FAM76B: variants seen among roughly 807,000 people sequenced by gnomAD.
FAM76B encodes family with sequence similarity 76 member B, also known as protein FAM76B.
A neutral mutation model predicts 51.8 loss-of-function variants in FAM76B; 16 were observed. The observed-to-expected ratio is 0.31, with a 90% CI of 0.21 to 0.47. The LOEUF (loss-of-function observed/expected upper bound fraction) is 0.47. FAM76B is among the 20% of genes least tolerant of loss of function. The pLI is 1.00. For missense variants in FAM76B, 342 were observed against 392.6 expected (o/e 0.87, Z 1.09); for synonymous variants, 166 against 129.5 (o/e 1.28, Z -1.91).
intron 5 of FAM76B, among the ~76,000 whole-genome samples, chr11:95,782,774 A>G (rs942086156): frequency 6.6e-6 from 1 of 152,190 alleles, no homozygotes; most frequent in African/African-American, 2.4e-5. Flanking sequence ...GAGGCTTTTG[A>G]TAAGTTATTT....
At chr11:95,779,088 T>C in intron 7 of FAM76B, 131 bp from the exon 8 acceptor site, 1 of 1,588,326 alleles carries the variant, frequency 6.3e-7, no homozygotes, top group Non-Finnish European at 8.5e-7. Context: ...CTGACAGAAA[T>C]GGATGCAACT....
At chr11:95,774,223 C>T (rs539413897) in intron 9 of FAM76B, among the ~76,000 whole-genome samples, 3 of 151,318 alleles carry the variant, frequency 2.0e-5, no homozygotes, top group African/African-American at 4.8e-5. Flanking sequence ...TCTACGTCAC[C>T]GCTTACTGTG....
intron 9 of FAM76B, among the ~76,000 whole-genome samples, chr11:95,773,730 C>T (rs188080603): frequency 1.5e-4 from 22 of 151,356 alleles, no homozygotes; most frequent in African/African-American, 5.1e-4. Flanking sequence ...ACACAGAAGG[C>T]ACTCAAATGT....
Position 95,783,195 on chromosome 11 carries a change from G to C in FAM76B, c.433C>G (p.Gln145Glu), listed in dbSNP as rs779321950. 1.9e-6 allele frequency: 3 copies of C among 1,613,884 alleles called. No individual in the cohort carries two copies. The Admixed American group carries it at 5.0e-5, about 27-fold the overall frequency. ...TGTGAAGATCCCAGGCTCTTCCTTTGTTCTTTCGTCTTCTGTAAAACTCTT... is the reference window on the plus strand; with the variant it reads ...TGTGAAGATCCCAGGCTCTTCCTTTCTTCTTTCGTCTTCTGTAAAACTCTT... ...YKRVLQKTKE[Q>E]RKSLGSSHSN... Residue 145 changes from glutamine to glutamate, a missense_variant, in exon 5 of 10, where the codon CAA becomes GAA. By Grantham distance (29) the Gln-to-Glu change is conservative. Around this residue, in one of 3 missense-constraint regions of FAM76B, gnomAD observed 230 missense variants for 257.4 expected, o/e 0.89. Coordinates refer to ENST00000358780, the MANE Select transcript of FAM76B (RefSeq NM_144664.5).
rs61732594 is a variant in FAM76B, at chr11:95,778,921, T to C, written c.729A>G (p.Thr243=). The change falls in exon 8 of 10, where the codon ACA becomes ACG. Residue 243 remains threonine (T), a synonymous_variant. Transcript: ENST00000358780. ...ATTGACTTATAAGGACAAAATTGTC[T>C]GTTCCCCCACTATCTGCTGACTGAT... The part of the protein sequence containing the change: ...SINQSADSGG[T]DNFVLISQLK... The C allele has an allele frequency of 5.7e-4, 915 of 1,610,796 alleles. 5 individuals carry two copies. In the African/African-American group the frequency reaches 8.6e-3, roughly 15 times the overall value.
Position 95,769,498 on chromosome 11 carries a change from T to A in FAM76B, c.*2063A>T, listed in dbSNP as rs896577708. 2 of 152,196 alleles carry A rather than the reference T, an allele frequency of 1.3e-5. No homozygotes were observed. The highest frequency in any genetic ancestry group is 4.8e-5 in the African/African-American group (2 of 41,384). The allele number at this position is 152,196 out of a possible 1,614,324, so 9.4% of individuals were successfully genotyped here. A position where few individuals can be genotyped will look rare whatever the true frequency, so the allele number is the denominator to read the frequency against. ...ACTGAATTACCTTCCATTTTAATGT[T>A]AGCTAATATTAATATTCAACTTTTT... is the stretch of plus-strand genomic sequence containing the variant. On this transcript the variant is annotated 3_prime_UTR_variant, in exon 10 of 10. Transcript: ENST00000358780.
rs1190777983 is a variant in FAM76B, at chr11:95,769,467, A to T, written c.*2094T>A. ...TATTAGACTGTTAATGTTAGCTAACACTAAAACTGAATTACCTTCCATTTT... is the reference window on the plus strand; with the variant it reads ...TATTAGACTGTTAATGTTAGCTAACTCTAAAACTGAATTACCTTCCATTTT... On this transcript the variant is annotated 3_prime_UTR_variant, in exon 10 of 10. Transcript: ENST00000358780. The T allele has an allele frequency of 6.6e-6, 1 of 152,246 alleles. No homozygotes were observed. The highest frequency in any genetic ancestry group is 1.5e-5 in the Non-Finnish European group (1 of 67,810). The allele number at this position is 152,246 out of a possible 1,614,324, so 9.4% of individuals were successfully genotyped here. A position where few individuals can be genotyped will look rare whatever the true frequency, so the allele number is the denominator to read the frequency against.
intron 4 of FAM76B, among the ~76,000 whole-genome samples, chr11:95,784,711 C>T (rs527478868): frequency 6.6e-6 from 1 of 152,088 alleles, no homozygotes; most frequent in Admixed American, 6.5e-5. Flanking sequence ...CCTCAGCCTC[C>T]TGAGTAGCTG....
intron 9 of FAM76B, among the ~76,000 whole-genome samples, chr11:95,774,505 A>G (rs112915506): frequency 2.2e-3 from 337 of 151,542 alleles, no homozygotes; most frequent in African/African-American, 7.6e-3. Context: ...AAGTTAAAAC[A>G]TATCTGAGCA....
In FAM76B at chr11:95,788,557, G is replaced by T; in HGVS notation, c.94C>A (p.Arg32=). 6.2e-7 allele frequency: 1 copy of T among 1,611,820 alleles called. No individual in the cohort carries two copies. The highest frequency in any genetic ancestry group is 1.1e-5 in the South Asian group (1 of 91,014). ...CATTTTACAATAGGATGTGCAATCC[G>T]ACATTCCTGTAATAAGACAATACAT... ...SQGQQLCKEC[R]IAHPIVKCTY... is the part of the protein sequence containing the mutation. Residue 32 remains arginine (R), a synonymous_variant, in exon 2 of 10, where the codon CGG becomes AGG. Transcript: ENST00000358780.
intron 7 of FAM76B, chr11:95,779,228 CTT>C: frequency 8.5e-7 from 1 of 1,170,042 alleles, no homozygotes; most frequent in Non-Finnish European, 1.2e-6. Flanking sequence ...CATCAGCAAA[CTT>C]TTGGCTAATG....
Position 95,789,402 on chromosome 11 carries a change from T to C in FAM76B, c.77A>G (p.Gln26Arg). ...CCGGAGCCCACGGACCTTGCAGAGC[T>C]GCTGGCCCTGGGAGAGCTCCTCGAA... The part of the protein sequence containing the change: ...YPFEELSQGQ[Q>R]LCKECRIAHP... Residue 26 changes from glutamine to arginine, a missense_variant, in exon 1 of 10, where the codon CAG becomes CGG. Transcript: ENST00000358780. 1 of 1,603,032 alleles carries C rather than the reference T, an allele frequency of 6.2e-7. No individual in the cohort carries two copies. Among genetic ancestry groups the C allele is most frequent in the Non-Finnish European group, 8.5e-7 (1 of 1,175,148 alleles).
At chr11:95,778,779 C>A in intron 8 of FAM76B, 43 bp downstream of exon 8, 1 of 1,533,100 alleles carries the variant, frequency 6.5e-7, no homozygotes, top group South Asian at 1.3e-5. Flanking sequence ...AAGCAACAGT[C>A]AACACATAAC....
At position 95,789,542 on chromosome 11, in the gene FAM76B, A is replaced by G; in HGVS notation, c.-64T>C. 2 of 1,468,920 alleles carry G rather than the reference A, an allele frequency of 1.4e-6. No individual in the cohort carries two copies. Among genetic ancestry groups the G allele is most frequent in the Non-Finnish European group, 1.8e-6 (2 of 1,087,948 alleles). The allele number at this position is 1,468,920 out of a possible 1,614,324, so 91.0% of individuals were successfully genotyped here. The stretch of plus-strand genomic sequence containing the variant: ...GAGGCGGGGCCCTACGGAGAACCCG[A>G]GAGCCGCCGCCGCCCGGGCCGCGGG... On this transcript the variant is annotated 5_prime_UTR_variant, in exon 1 of 10. Coordinates refer to ENST00000358780, the MANE Select transcript of FAM76B (RefSeq NM_144664.5).
At chr11:95,784,483 T>C (rs1304264032) in intron 4 of FAM76B, among the ~76,000 whole-genome samples, 1 of 152,036 alleles carries the variant, frequency 6.6e-6, no homozygotes, top group Non-Finnish European at 1.5e-5. Context: ...AGAGAAAATA[T>C]GTGTGTTACA....
chr11:95,776,078 CCAT>C (rs1224273507), intron 8 of FAM76B, 55 bp from the exon 9 acceptor site: 1 of 916,640 alleles, frequency 1.1e-6, no homozygotes, highest in Non-Finnish European at 1.6e-6. Flanking sequence ...CACACACACA[CCAT>C]TTTAAATAAC....
chr11:95,779,756 T>TCTTCCCCTAAAATATTACTGAAAATA, intron 6 of FAM76B, 69 bp from the exon 7 acceptor site: 1 of 1,574,202 alleles, frequency 6.4e-7, no homozygotes, highest in Non-Finnish European at 8.6e-7. Flanking sequence ...AAGTTATTCA[T>TCTTCCCCTAAAATATTACTGAAAATA]CTTCCCCTAA....
At chr11:95,774,216 A>C (rs1334175921) in intron 9 of FAM76B, among the ~76,000 whole-genome samples, 2 of 151,434 alleles carry the variant, frequency 1.3e-5, no homozygotes, top group African/African-American at 4.8e-5. Context: ...AGAGATTTCT[A>C]CGTCACCGCT....
chr11:95,787,261 T>C (rs1372394627), intron 3 of FAM76B, among the ~76,000 whole-genome samples: 1 of 152,160 alleles, frequency 6.6e-6, no homozygotes. Flanking sequence ...CGAGACGCAG[T>C]CTCGCTCTGT....
Sources: gnomAD v4.1 joint callset for allele counts (sites outside exome capture counted in the v4.1 genomes callset) on GRCh38, gnomAD v4.1.1 for gene constraint, gnomAD v4.1.1 regional missense constraint, MANE v1.5 for transcripts, NCBI Gene and HGNC (gene_info 2026-07-23, HGNC 2026-07-21) for gene names.